Variants in GLIS3 observed in about 807,000 individuals in gnomAD.
GLIS3 encodes the protein zinc finger protein GLIS3.
In GLIS3, 53 loss-of-function variants were observed where a neutral mutation model predicts 78.6. That is an observed-to-expected ratio of 0.67 (90% confidence interval 0.54 to 0.85). GLIS3 has a LOEUF of 0.85. GLIS3 is among the 40% of genes least tolerant of loss of function. The pLI, the probability that GLIS3 is intolerant of heterozygous loss-of-function variation, is 0.00. For missense variants in GLIS3, 1,703 were observed against 1,231.1 expected (o/e 1.38, Z -5.74); for synonymous variants, 684 against 509.9 (o/e 1.34, Z -4.60).
chr9:4,066,848 T>G (rs79073859), intron 4 of GLIS3, among the ~76,000 whole-genome samples: 3 of 152,170 alleles, frequency 2.0e-5, no homozygotes, highest in Admixed American at 2.0e-4. Context: ...GGACGCCCAG[T>G]GGCACTTACG....
At chr9:4,241,265 C>A (rs904527137) in intron 2 of GLIS3, among the ~76,000 whole-genome samples, 1 of 152,092 alleles carries the variant, frequency 6.6e-6, no homozygotes, top group Non-Finnish European at 1.5e-5. Context: ...TCTCCCAAAG[C>A]AATTCATTGT....
chr9:4,245,124 C>G (rs1377442973), intron 2 of GLIS3, among the ~76,000 whole-genome samples: 2 of 152,150 alleles, frequency 1.3e-5, no homozygotes, highest in Non-Finnish European at 2.9e-5. Flanking sequence ...GTATGTATCA[C>G]AGATTTATGA....
upstream of GLIS3, among the ~76,000 whole-genome samples, chr9:4,348,736 A>T (rs931858472): frequency 2.6e-5 from 4 of 152,216 alleles, no homozygotes; most frequent in African/African-American, 9.6e-5. Flanking sequence ...GTTATGTTTT[A>T]GAGGAATCTT....
At chr9:3,930,628 C>T (rs895165557) in intron 6 of GLIS3, among the ~76,000 whole-genome samples, 4 of 152,126 alleles carry the variant, frequency 2.6e-5, no homozygotes, top group African/African-American at 9.7e-5. Flanking sequence ...CCTAGGTTAC[C>T]TTCTTAACTT....
the GLIS3 span, among the ~76,000 whole-genome samples, chr9:4,402,075 A>T: frequency 6.6e-6 from 1 of 152,146 alleles, no homozygotes; most frequent in Admixed American, 6.5e-5. Context: ...ACCGTCTTAA[A>T]AGGAAAGGCC....
At chr9:4,233,934 C>A (rs1302134694) in intron 2 of GLIS3, among the ~76,000 whole-genome samples, 1 of 152,222 alleles carries the variant, frequency 6.6e-6, no homozygotes, top group Non-Finnish European at 1.5e-5. Context: ...CTTATGGAGA[C>A]AGCTTTTTTT....
At chr9:3,971,276 C>T (rs1588349219) in intron 4 of GLIS3, among the ~76,000 whole-genome samples, 5 of 152,248 alleles carry the variant, frequency 3.3e-5, no homozygotes, top group African/African-American at 9.6e-5. Context: ...ACACTTTCTG[C>T]CTATGTCACA....
the GLIS3 span, among the ~76,000 whole-genome samples, chr9:4,402,626 G>T: frequency 6.6e-6 from 1 of 152,044 alleles, no homozygotes; most frequent in Non-Finnish European, 1.5e-5. Flanking sequence ...CAAAAAGATT[G>T]AAACAATTAA....
At chr9:4,366,972 C>A in the GLIS3 span, among the ~76,000 whole-genome samples, 1 of 152,316 alleles carries the variant, frequency 6.6e-6, no homozygotes, top group East Asian at 1.9e-4. Context: ...AGAAAGACAT[C>A]CATCCCTGAA....
chr9:4,237,244 A>G (rs1822850548), intron 2 of GLIS3, among the ~76,000 whole-genome samples: 1 of 152,164 alleles, frequency 6.6e-6, no homozygotes, highest in South Asian at 2.1e-4. Flanking sequence ...CCTTTGAAAT[A>G]ATTTAAATAT....
At chr9:4,033,168 TG>T (rs1823997609) in intron 4 of GLIS3, among the ~76,000 whole-genome samples, 1 of 152,178 alleles carries the variant, frequency 6.6e-6, no homozygotes, top group Non-Finnish European at 1.5e-5. Flanking sequence ...TGAGAATTCT[TG>T]AACTTCTCAG....
At chr9:4,353,812 G>C in the GLIS3 span, among the ~76,000 whole-genome samples, 6 of 152,098 alleles carry the variant, frequency 3.9e-5, no homozygotes, top group African/African-American at 1.4e-4. Flanking sequence ...GCCTGTAGCT[G>C]TTGATTTGCT....
At chr9:4,433,315 C>G in the GLIS3 span, among the ~76,000 whole-genome samples, 3 of 152,146 alleles carry the variant, frequency 2.0e-5, no homozygotes, top group South Asian at 6.2e-4. Context: ...ACCTGTAGTC[C>G]CAGCTACTTG....
chr9:4,011,086 C>T (rs1821967643), intron 4 of GLIS3, among the ~76,000 whole-genome samples: 1 of 152,178 alleles, frequency 6.6e-6, no homozygotes, highest in Non-Finnish European at 1.5e-5. Flanking sequence ...ATTCCCCATA[C>T]TTGTAGAATC....
At chr9:4,283,263 T>G (rs1827714321) in intron 2 of GLIS3, among the ~76,000 whole-genome samples, 1 of 66,054 alleles carries the variant, frequency 1.5e-5, no homozygotes, top group Non-Finnish European at 2.5e-5. Context: ...GTTTTTTTGT[T>G]TTTTTGTTTT....
chr9:4,272,221 C>G (rs1826576556), intron 2 of GLIS3, among the ~76,000 whole-genome samples: 1 of 152,196 alleles, frequency 6.6e-6, no homozygotes. Flanking sequence ...TAGACACAAA[C>G]ACCTGCAACA....
chr9:3,878,469 T>C (rs1006280859), intron 8 of GLIS3: 2 of 152,194 alleles, frequency 1.3e-5, no homozygotes, highest in East Asian at 1.9e-4. Context: ...TTTATCAGAA[T>C]TAAAACCACA....
At chr9:4,088,387 G>A (rs754274930) in intron 4 of GLIS3, among the ~76,000 whole-genome samples, 35 of 152,164 alleles carry the variant, frequency 2.3e-4, no homozygotes, top group Non-Finnish European at 4.6e-4. Flanking sequence ...GAGAAAGGTT[G>A]GAAAAATAAA....
chr9:3,926,253 C>T (rs1306369360), intron 6 of GLIS3, among the ~76,000 whole-genome samples: 12 of 107,334 alleles, frequency 1.1e-4, no homozygotes, highest in African/African-American at 2.8e-4. Context: ...TTTTCTTTGA[C>T]GGAGTCTTGC....
Sources: gnomAD v4.1 joint callset for allele counts (sites outside exome capture counted in the v4.1 genomes callset) on GRCh38, gnomAD v4.1.1 for gene constraint, MANE v1.5 for transcripts, NCBI Gene and HGNC (gene_info 2026-07-23, HGNC 2026-07-21) for gene names.